MEIS2: variants seen among roughly 807,000 people sequenced by gnomAD.
MEIS2 encodes Meis homeobox 2.
Under a neutral mutation model 58.6 loss-of-function variants are expected in MEIS2, and 9 were observed. The observed-to-expected ratio is 0.15, with a 90% CI of 0.09 to 0.27. The LOEUF (loss-of-function observed/expected upper bound fraction) is 0.27, where lower values mean the gene tolerates loss of function less well. Ranked by LOEUF, MEIS2 falls within the 10% of genes least tolerant of loss-of-function variation. The pLI, the probability that MEIS2 is intolerant of heterozygous loss-of-function variation, is 1.00. For synonymous variants in MEIS2, 221 were observed against 228.4 expected (o/e 0.97, Z 0.29); for missense variants, 427 against 635.0 (o/e 0.67, Z 3.52).
intron 9 of MEIS2, among the ~76,000 whole-genome samples, chr15:36,945,969 G>T (rs2058549626): frequency 6.6e-6 from 1 of 151,924 alleles, no homozygotes; most frequent in Non-Finnish European, 1.5e-5. Context: ...ATACAACTAG[G>T]CTGTAATTAC....
chr15:37,082,232 G>A lies in MEIS2; in HGVS notation c.754+1539C>T, dbSNP rs1046737683. Among the ~76,000 whole-genome samples, 5 of 152,266 alleles carry A rather than the reference G, an allele frequency of 3.3e-5. No homozygotes were observed. In the East Asian group the frequency reaches 9.7e-4, roughly 29 times the overall value. On this transcript the variant is annotated intron_variant, in intron 7 of 11. Transcript: ENST00000561208. ...ATTGCAAGAATGTGAAAAATGAGGCGCTGGGCTCCTGAGCAAAGCGAAAGG... is the reference window on the plus strand; with the variant it reads ...ATTGCAAGAATGTGAAAAATGAGGCACTGGGCTCCTGAGCAAAGCGAAAGG...
At chr15:37,078,513 A>G (rs919347106) in intron 7 of MEIS2, among the ~76,000 whole-genome samples, 2 of 82,110 alleles carry the variant, frequency 2.4e-5, no homozygotes, top group African/African-American at 4.3e-5. Flanking sequence ...TTAAATATCT[A>G]TTTCACCAGA....
At chr15:37,041,084 T>A (rs1254750198) in intron 7 of MEIS2, among the ~76,000 whole-genome samples, 1 of 152,220 alleles carries the variant, frequency 6.6e-6, no homozygotes, top group Non-Finnish European at 1.5e-5. Context: ...TGGGCCTTAT[T>A]CACTGTGGGA....
At chr15:36,988,503 G>A (rs1326656312) in intron 8 of MEIS2, among the ~76,000 whole-genome samples, 1 of 152,140 alleles carries the variant, frequency 6.6e-6, no homozygotes, top group Non-Finnish European at 1.5e-5. Flanking sequence ...GTCCTCTCTA[G>A]ACAATTGCTA....
intron 8 of MEIS2, among the ~76,000 whole-genome samples, chr15:36,965,705 T>A (rs571373723): frequency 6.6e-6 from 1 of 152,186 alleles, no homozygotes; most frequent in African/African-American, 2.4e-5. Flanking sequence ...TGGAGCAAAC[T>A]TTTCCCTAGC....
intron 8 of MEIS2, among the ~76,000 whole-genome samples, chr15:36,967,366 C>T (rs1258814686): frequency 6.6e-6 from 1 of 152,140 alleles, no homozygotes; most frequent in African/African-American, 2.4e-5. Flanking sequence ...AGCTGGGACA[C>T]ACATAGAGGG....
At chr15:36,989,247 G>A (rs1387052764) in intron 8 of MEIS2, among the ~76,000 whole-genome samples, 1 of 152,176 alleles carries the variant, frequency 6.6e-6, no homozygotes, top group Non-Finnish European at 1.5e-5. Context: ...ACAATTTGGA[G>A]GAAGAACCAA....
intron 9 of MEIS2, among the ~76,000 whole-genome samples, chr15:36,912,749 A>G (rs2057092871): frequency 6.6e-6 from 1 of 152,002 alleles, no homozygotes; most frequent in African/African-American, 2.4e-5. Context: ...TATATGAAGG[A>G]ATGCAAACTT....
intron 8 of MEIS2, among the ~76,000 whole-genome samples, chr15:37,009,232 T>C (rs966444483): frequency 6.6e-5 from 10 of 151,944 alleles, no homozygotes; most frequent in African/African-American, 2.4e-4. Flanking sequence ...GAGCTTGCAG[T>C]GAGCCGAGAT....
chr15:36,940,161 G>A (rs1042672535), intron 9 of MEIS2, among the ~76,000 whole-genome samples: 2 of 152,030 alleles, frequency 1.3e-5, no homozygotes, highest in African/African-American at 4.8e-5. Flanking sequence ...TTTAGTCTGT[G>A]GGTTATGGCC....
chr15:37,094,718 A>T (rs374512063), intron 4 of MEIS2, 141 bp from the exon 5 acceptor site: 1 of 634,276 alleles, frequency 1.6e-6, no homozygotes, highest in African/African-American at 1.8e-5. Flanking sequence ...AAACTTAAAC[A>T]TCAAGAAATA....
intron 11 of MEIS2, chr15:36,894,380 C>T: frequency 6.2e-6 from 1 of 160,796 alleles, no homozygotes; most frequent in Non-Finnish European, 1.4e-5. Context: ...CTTAATTTCT[C>T]TCAGTCAACT....
chr15:36,964,654 C>T (rs2059298405), intron 8 of MEIS2, among the ~76,000 whole-genome samples: 1 of 152,132 alleles, frequency 6.6e-6, no homozygotes, highest in Admixed American at 6.5e-5. Flanking sequence ...TAGAACTTGT[C>T]ATAATAGTCT....
intron 8 of MEIS2, among the ~76,000 whole-genome samples, chr15:37,016,035 T>G (rs1423997101): frequency 6.6e-6 from 1 of 152,054 alleles, no homozygotes; most frequent in Non-Finnish European, 1.5e-5. Flanking sequence ...TTGGTAAAAA[T>G]CACCCAGTAT....
rs560879453 is a variant in MEIS2 at position 36,970,178 on chromosome 15, A to C, written c.901-19778T>G. On this transcript the variant is annotated intron_variant, in intron 8 of 11. Coordinates refer to ENST00000561208, the MANE Select transcript of MEIS2 (RefSeq NM_170675.5). ...CAGCACTTTGGGAGGCCAAGGCGGGAGGATCATGAGGTCAGGAGATCCGGA... is the reference window on the plus strand; with the variant it reads ...CAGCACTTTGGGAGGCCAAGGCGGGCGGATCATGAGGTCAGGAGATCCGGA... 3.2e-4 allele frequency among the ~76,000 whole-genome samples: 49 copies of C among 152,142 alleles called. No individual in the cohort carries two copies. In the East Asian group the frequency reaches 6.8e-3, roughly 21 times the overall value.
chr15:36,935,979 C>T (rs2058154560), intron 9 of MEIS2, among the ~76,000 whole-genome samples: 1 of 152,016 alleles, frequency 6.6e-6, no homozygotes, highest in South Asian at 2.1e-4. Context: ...GCAAATAAAG[C>T]ATTAGTACCA....
intron 11 of MEIS2, chr15:36,894,901 C>G (rs1231358437): frequency 8.7e-7 from 1 of 1,143,730 alleles, no homozygotes; most frequent in East Asian, 2.3e-5. Context: ...TTCCTTTTCA[C>G]TTATTGCCTT....
At chr15:36,978,249 T>G (rs540733992) in intron 8 of MEIS2, among the ~76,000 whole-genome samples, 1 of 152,394 alleles carries the variant, frequency 6.6e-6, no homozygotes, top group African/African-American at 2.4e-5. Context: ...TTTTGTTAAG[T>G]GCACAGTATG....
intron 7 of MEIS2, among the ~76,000 whole-genome samples, chr15:37,056,838 C>G (rs1316808182): frequency 2.0e-5 from 3 of 152,196 alleles, no homozygotes; most frequent in African/African-American, 7.2e-5. Context: ...GGTCCAGCTC[C>G]GAACCGCTCC....
Sources: gnomAD v4.1 joint callset for allele counts (sites outside exome capture counted in the v4.1 genomes callset) on GRCh38, gnomAD v4.1.1 for gene constraint, MANE v1.5 for transcripts, NCBI Gene and HGNC (gene_info 2026-07-23, HGNC 2026-07-21) for gene names.